The following WSB2 variants were observed in gnomAD, a reference collection of about 807,000 sequenced individuals.
WSB2 encodes WD repeat and SOCS box containing 2, also known as WD repeat and SOCS box-containing protein 2.
In WSB2, 12 loss-of-function variants were observed where a neutral mutation model predicts 48.8. The observed-to-expected ratio is 0.25, with a 90% CI of 0.16 to 0.40. The LOEUF is 0.40. WSB2 is among the 10% of genes least tolerant of loss of function. The pLI is 1.00. For missense variants in WSB2, 317 were observed against 506.2 expected, an observed-to-expected ratio of 0.63 and a Z score of 3.59; for synonymous variants, 191 against 203.1, an observed-to-expected ratio of 0.94 and a Z score of 0.51.
At chr12:118,061,202 G>T (rs1208946191), upstream of WSB2, 6 of 983,532 alleles carry the variant, frequency 6.1e-6, no homozygotes, top group African/African-American at 1.8e-5. Flanking sequence ...CGGTGGGCGC[G>T]GGCGGAGACG....
intron 1 of WSB2, among the ~76,000 whole-genome samples, chr12:118,058,100 G>A (rs2031995489): frequency 6.6e-6 from 1 of 152,058 alleles, no homozygotes; most frequent in Admixed American, 6.5e-5. Flanking sequence ...AGGCTGAATG[G>A]AAAGGTATAT....
chr12:118,034,839 A>T (rs2031469261), intron 8 of WSB2, 147 bp downstream of exon 8: 2 of 710,736 alleles, frequency 2.8e-6, no homozygotes, highest in Admixed American at 6.2e-5. Flanking sequence ...TATTAGCAAA[A>T]TCGATCATTT....
intron 5 of WSB2, among the ~76,000 whole-genome samples, chr12:118,036,924 G>A (rs1048717728): frequency 6.6e-6 from 1 of 152,224 alleles, no homozygotes; most frequent in Non-Finnish European, 1.5e-5. Context: ...GCTCATGCCT[G>A]TAATCTCAGC....
chr12:118,061,132 C>A lies in WSB2; in HGVS notation c.-84G>T. 1.0e-6 allele frequency: 1 copy of A among 981,460 alleles called. No individual in the cohort carries two copies. Among genetic ancestry groups the A allele is most frequent in the South Asian group, 4.6e-5 (1 of 21,870 alleles). The allele number at this position is 981,460 out of a possible 1,614,324, so 60.8% of individuals were successfully genotyped here. On this transcript the variant is annotated 5_prime_UTR_variant, in exon 1 of 9. Transcript: ENST00000315436. Reference sequence around the variant, plus strand: ...GCCCTCATGCCGCCCCCGCGCCGCCCGCCCCGGCCAGGCCGCCGCCGCCGC... The same window carrying A: ...GCCCTCATGCCGCCCCCGCGCCGCCAGCCCCGGCCAGGCCGCCGCCGCCGC...
Position 118,036,510 on chromosome 12 carries a change from C to T in WSB2, c.661G>A (p.Val221Ile). The T allele has an allele frequency of 6.2e-7, 1 of 1,607,962 alleles. No individual in the cohort carries two copies. The highest frequency in any genetic ancestry group is 8.5e-7 in the Non-Finnish European group (1 of 1,175,860). The change falls in exon 6 of 9, where the codon GTC (valine) becomes ATC (isoleucine). Residue 221 changes from valine (V) to isoleucine (I), a missense_variant and splice_region_variant. Transcript: ENST00000315436. The part of the protein sequence containing the change: ...MLCSAAGEKS[V>I]FLWSMRSYTL... ...TAGGACCTCATGCTCCATAGAAAGACCTGTGGAAAGTAAGAAGTGCCTGGT... is the reference window on the plus strand; with the variant it reads ...TAGGACCTCATGCTCCATAGAAAGATCTGTGGAAAGTAAGAAGTGCCTGGT...
At position 118,036,433 on chromosome 12, in the gene WSB2, G is replaced by A. The variant is rs34253698; in HGVS notation, c.738C>T (p.Asp246=). 2.4e-3 allele frequency: 3,839 copies of A among 1,614,194 alleles called. 92 individuals carry two copies. The African/African-American group carries it at 0.045, about 19-fold the overall frequency. ...EGHQSSVVSC[D]FSPDSALLVT... is the part of the protein sequence containing the mutation. ...CAAGCAGGGCAGAGTCGGGGGAGAA[G>A]TCACAAGAGACAACACTGCTTTGAT... The change falls in exon 6 of 9, where the codon GAC becomes GAT. Residue 246 remains aspartate (D), a synonymous_variant. Transcript: ENST00000315436.
rs369215956 is a variant in WSB2, at chr12:118,056,757, C to T, written c.13+4279G>A. 2.9e-4 allele frequency among the ~76,000 whole-genome samples: 44 copies of T among 152,078 alleles called. 1 individual carries two copies. The highest frequency in any genetic ancestry group is 1.7e-3 in the Admixed American group (26 of 15,248). ...CTCTACTTAAAATACAAAAATTAGCCGGGCATAGTGGCGGGCGCCTGTAGT... is the reference window on the plus strand; with the variant it reads ...CTCTACTTAAAATACAAAAATTAGCTGGGCATAGTGGCGGGCGCCTGTAGT... On this transcript the variant is annotated intron_variant, in intron 1 of 8. Coordinates refer to ENST00000315436, the MANE Select transcript of WSB2 (RefSeq NM_018639.5).
rs1165647944 is a variant in WSB2, at chr12:118,033,987, G to A, written c.*209C>T. The stretch of plus-strand genomic sequence containing the variant: ...CGTAAGGCTCTGTTGCCGTGCAAGT[G>A]GAATCTCTTCCTCTAAGACTGACTT... On this transcript the variant is annotated 3_prime_UTR_variant, in exon 9 of 9. Transcript: ENST00000315436. 5 of 629,786 alleles carry A rather than the reference G, an allele frequency of 7.9e-6. No homozygotes were observed. The highest frequency in any genetic ancestry group is 1.4e-5 in the Non-Finnish European group (5 of 369,236). The allele number at this position is 629,786 out of a possible 1,614,324, so 39.0% of individuals were successfully genotyped here. A position where few individuals can be genotyped will look rare whatever the true frequency, so the allele number is the denominator to read the frequency against.
At chr12:118,049,462 C>T (rs957328381) in intron 2 of WSB2, among the ~76,000 whole-genome samples, 1 of 151,588 alleles carries the variant, frequency 6.6e-6, no homozygotes, top group South Asian at 2.1e-4. Context: ...AGTGCAGTGG[C>T]GCGATCTCAG....
rs773986149 is a variant in WSB2, at chr12:118,033,805, C to A, written c.*391G>T. On this transcript the variant is annotated 3_prime_UTR_variant, in exon 9 of 9. Transcript: ENST00000315436. ...AGGATAGGTACTAGGCAGAAGCCAT[C>A]GTTCCCAGCGGAGGGAGTGTGAGCT... 5 of 228,224 alleles carry A rather than the reference C, an allele frequency of 2.2e-5. No homozygotes were observed. Among genetic ancestry groups the A allele is most frequent in the Non-Finnish European group, 4.4e-5 (5 of 114,376 alleles). The allele number at this position is 228,224 out of a possible 1,614,324, so 14.1% of individuals were successfully genotyped here. A position where few individuals can be genotyped will look rare whatever the true frequency, so the allele number is the denominator to read the frequency against.
At chr12:118,054,292 G>A (rs1047805094) in intron 1 of WSB2, among the ~76,000 whole-genome samples, 2 of 151,784 alleles carry the variant, frequency 1.3e-5, no homozygotes, top group East Asian at 3.9e-4. Flanking sequence ...TCGGGAAGCT[G>A]AAGCAGGAGA....
At position 118,033,370 on chromosome 12, in the gene WSB2, T is replaced by C. The variant is rs1472036384; in HGVS notation, c.*826A>G. On this transcript the variant is annotated 3_prime_UTR_variant, in exon 9 of 9. Coordinates refer to ENST00000315436, the MANE Select transcript of WSB2 (RefSeq NM_018639.5). ...CAATTTAAGTACTATGGTTTTTAGATAATCGAGAAAAACACAGTTGTACCT... is the reference window on the plus strand; with the variant it reads ...CAATTTAAGTACTATGGTTTTTAGACAATCGAGAAAAACACAGTTGTACCT... 2.6e-5 allele frequency: 4 copies of C among 152,580 alleles called. No homozygotes were observed. The highest frequency in any genetic ancestry group is 5.9e-5 in the Non-Finnish European group (4 of 68,042). 9.5% of individuals were successfully genotyped at this position (152,580 alleles called of 1,614,324 possible). A position where few individuals can be genotyped will look rare whatever the true frequency, so the allele number is the denominator to read the frequency against.
In WSB2 at chr12:118,034,174, G is replaced by C; in HGVS notation, c.*22C>G. On this transcript the variant is annotated 3_prime_UTR_variant, in exon 9 of 9. Coordinates refer to ENST00000315436, the MANE Select transcript of WSB2 (RefSeq NM_018639.5). Reference sequence around the variant, plus strand: ...ACAGGACGATTTACCCTGCTACAAAGAAGCACAAGATGTGGTGTTGCTTAA... The same window carrying C: ...ACAGGACGATTTACCCTGCTACAAACAAGCACAAGATGTGGTGTTGCTTAA... 6.2e-7 allele frequency: 1 copy of C among 1,613,772 alleles called. No homozygotes were observed. The highest frequency in any genetic ancestry group is 8.5e-7 in the Non-Finnish European group (1 of 1,179,742).
At chr12:118,038,104 C>T (rs938795645) in intron 5 of WSB2, 184 bp downstream of exon 5, 3 of 470,654 alleles carry the variant, frequency 6.4e-6, no homozygotes, top group Non-Finnish European at 1.1e-5. Flanking sequence ...CAAATCCCTC[C>T]TGTCTTTGGG....
intron 8 of WSB2, 53 bp downstream of exon 8, chr12:118,034,933 A>G (rs2031471101): frequency 5.2e-6 from 8 of 1,552,410 alleles, no homozygotes; most frequent in South Asian, 4.5e-5. Context: ...AAAAAGCTCC[A>G]TGGTATACTC....
At chr12:118,051,766 G>A (rs1203523211) in intron 2 of WSB2, among the ~76,000 whole-genome samples, 3 of 152,366 alleles carry the variant, frequency 2.0e-5, no homozygotes, top group East Asian at 3.9e-4. Flanking sequence ...TTGAGGTCAG[G>A]AGTTTGAGAC....
At position 118,050,644 on chromosome 12, in the gene WSB2, C is replaced by A. The variant is rs541796370; in HGVS notation, c.182+1666G>T. Among the ~76,000 whole-genome samples the A allele has an allele frequency of 7.8e-3, 1,186 of 151,160 alleles. 14 individuals are homozygous for A. The highest frequency in any genetic ancestry group is 0.026 in the African/African-American group (1,072 of 41,180). Reference sequence around the variant, plus strand: ...ACAGAGCAAGACCCTCTCTCTCTCTCAAAAAAAATAAATGAATAAAATAAA... The same window carrying A: ...ACAGAGCAAGACCCTCTCTCTCTCTAAAAAAAAATAAATGAATAAAATAAA... On this transcript the variant is annotated intron_variant, in intron 2 of 8. Coordinates refer to ENST00000315436, the MANE Select transcript of WSB2 (RefSeq NM_018639.5).
At chr12:118,042,194 T>G (rs2031650487) in intron 4 of WSB2, among the ~76,000 whole-genome samples, 1 of 152,174 alleles carries the variant, frequency 6.6e-6, no homozygotes, top group East Asian at 1.9e-4. Context: ...ATTCTAGGCT[T>G]AGAGTCTGCT....
intron 4 of WSB2, among the ~76,000 whole-genome samples, chr12:118,039,938 G>A (rs1029779288): frequency 3.3e-5 from 5 of 152,090 alleles, no homozygotes; most frequent in Admixed American, 2.6e-4. Flanking sequence ...TAGAGCCGGA[G>A]TTTCACCATG....
Sources: allele counts gnomAD v4.1 joint callset (sites outside exome capture counted in the v4.1 genomes callset), GRCh38; gene constraint gnomAD v4.1.1; transcripts MANE v1.5; gene names NCBI Gene and HGNC (gene_info 2026-07-23, HGNC 2026-07-21).